TSPAN5: variants seen among roughly 807,000 people sequenced by gnomAD.
TSPAN5 encodes tetraspanin 5.
Under a neutral mutation model 37.1 loss-of-function variants are expected in TSPAN5, and 10 were observed. The observed-to-expected ratio is 0.27, with a 90% CI of 0.17 to 0.46. The LOEUF (loss-of-function observed/expected upper bound fraction) is 0.46, where lower values mean the gene tolerates loss of function less well. TSPAN5 is among the 20% of genes least tolerant of loss of function. The pLI is 1.00. For missense variants in TSPAN5, 195 were observed against 326.6 expected (o/e 0.60, Z 3.11); for synonymous variants, 110 against 118.9 (o/e 0.93, Z 0.48).
intron 1 of TSPAN5, among the ~76,000 whole-genome samples, chr4:98,638,253 C>G (rs1274270512): frequency 6.6e-6 from 1 of 152,216 alleles, no homozygotes; most frequent in Non-Finnish European, 1.5e-5. Context: ...TGTTGCCTCA[C>G]TTAAGGTACA....
intron 1 of TSPAN5, among the ~76,000 whole-genome samples, chr4:98,567,800 G>A (rs767310436): frequency 1.3e-4 from 20 of 152,214 alleles, no homozygotes; most frequent in Middle Eastern, 3.2e-3. Context: ...AGTTGTTGGC[G>A]GTGGTGGCGG....
At chr4:98,521,239 A>G (rs1266786248) in intron 1 of TSPAN5, among the ~76,000 whole-genome samples, 3 of 152,198 alleles carry the variant, frequency 2.0e-5, no homozygotes, top group South Asian at 2.1e-4. Flanking sequence ...AGGCACTGAC[A>G]TTACAAGTGA....
At chr4:98,588,686 A>G (rs1004158722) in intron 1 of TSPAN5, among the ~76,000 whole-genome samples, 42 of 152,248 alleles carry the variant, frequency 2.8e-4, no homozygotes, top group Admixed American at 2.7e-3. Flanking sequence ...ACGATGTTCA[A>G]AGAGATAAGC....
chr4:98,585,589 C>A (rs897579235), intron 1 of TSPAN5, among the ~76,000 whole-genome samples: 2 of 152,204 alleles, frequency 1.3e-5, no homozygotes, highest in African/African-American at 4.8e-5. Flanking sequence ...AGATTAAAGG[C>A]GTGAGCCACT....
At chr4:98,624,350 A>G (rs1756544920) in intron 1 of TSPAN5, among the ~76,000 whole-genome samples, 1 of 152,140 alleles carries the variant, frequency 6.6e-6, no homozygotes, top group Non-Finnish European at 1.5e-5. Flanking sequence ...CTTTTAGAAC[A>G]TTATTGCCAA....
chr4:98,611,916 A>G (rs1011441461), intron 1 of TSPAN5, among the ~76,000 whole-genome samples: 3 of 152,186 alleles, frequency 2.0e-5, no homozygotes, highest in Non-Finnish European at 2.9e-5. Context: ...ATTTCAGTGG[A>G]TTCCACCCTC....
At chr4:98,620,636 A>G (rs1421674403) in intron 1 of TSPAN5, among the ~76,000 whole-genome samples, 1 of 152,214 alleles carries the variant, frequency 6.6e-6, no homozygotes, top group Non-Finnish European at 1.5e-5. Flanking sequence ...TGAAAGTAGC[A>G]TTAGGGCTGC....
intron 2 of TSPAN5, among the ~76,000 whole-genome samples, chr4:98,495,336 T>G (rs1333834782): frequency 6.6e-6 from 1 of 152,128 alleles, no homozygotes; most frequent in Non-Finnish European, 1.5e-5. Context: ...GAGACCATCC[T>G]GGCTAACGTG....
In TSPAN5 at chr4:98,581,123, C is replaced by A. The variant is rs375054877; in HGVS notation, c.82-73395G>T. The stretch of plus-strand genomic sequence containing the variant: ...ATGCACTGATATAAAAACTAGTACT[C>A]ATTTGGGGGAATCCCTCCTTATTTG... On this transcript the variant is annotated intron_variant, in intron 1 of 7. Transcript: ENST00000305798. 2.0e-4 allele frequency among the ~76,000 whole-genome samples: 31 copies of A among 152,304 alleles called. 1 individual carries two copies. The South Asian group carries it at 6.0e-3, about 30-fold the overall frequency.
At chr4:98,571,050 A>G (rs1322399044) in intron 1 of TSPAN5, among the ~76,000 whole-genome samples, 1 of 152,062 alleles carries the variant, frequency 6.6e-6, no homozygotes, top group African/African-American at 2.4e-5. Context: ...AGTTACTGTA[A>G]CTCACTCAGA....
intron 1 of TSPAN5, among the ~76,000 whole-genome samples, chr4:98,645,734 C>T (rs1757052124): frequency 6.6e-6 from 1 of 152,100 alleles, no homozygotes; most frequent in South Asian, 2.1e-4. Context: ...TTCGTGTTTA[C>T]GCAACAGGGA....
rs552510570 is a variant in TSPAN5, at chr4:98,623,573, T to A, written c.81+34573A>T. On this transcript the variant is annotated intron_variant, in intron 1 of 7. Coordinates refer to ENST00000305798, the MANE Select transcript of TSPAN5 (RefSeq NM_005723.4). ...TCTCTTTACATATCAATCACGAGTGTAGCTAATCCTTTCAAGTCTACAATG... is the reference window on the plus strand; with the variant it reads ...TCTCTTTACATATCAATCACGAGTGAAGCTAATCCTTTCAAGTCTACAATG... Among the ~76,000 whole-genome samples, 11 of 152,300 alleles carry A rather than the reference T, an allele frequency of 7.2e-5. No individual in the cohort carries two copies. In the South Asian group the frequency reaches 2.3e-3, roughly 32 times the overall value.
intron 1 of TSPAN5, among the ~76,000 whole-genome samples, chr4:98,532,890 T>C (rs1754129415): frequency 6.6e-6 from 1 of 152,332 alleles, no homozygotes; most frequent in East Asian, 1.9e-4. Flanking sequence ...ATTGAGTTTT[T>C]AGCATGAAGG....
chr4:98,496,319 A>C (rs767522493), intron 2 of TSPAN5: 1 of 152,274 alleles, frequency 6.6e-6, no homozygotes, highest in African/African-American at 2.4e-5. Flanking sequence ...TGCAGAGGCC[A>C]GAGTGACGAC....
intron 1 of TSPAN5, among the ~76,000 whole-genome samples, chr4:98,587,700 C>G (rs1420139772): frequency 6.6e-6 from 1 of 151,994 alleles, no homozygotes; most frequent in African/African-American, 2.4e-5. Flanking sequence ...CCATCCTGAC[C>G]AATATGGTGA....
intron 1 of TSPAN5, among the ~76,000 whole-genome samples, chr4:98,605,251 A>G (rs1190293476): frequency 6.6e-6 from 1 of 152,236 alleles, no homozygotes; most frequent in Admixed American, 6.5e-5. Flanking sequence ...TATAAACTTG[A>G]AGCAGTAACT....
intron 1 of TSPAN5, among the ~76,000 whole-genome samples, chr4:98,539,614 G>C (rs1276644536): frequency 1.3e-5 from 2 of 152,010 alleles, no homozygotes; most frequent in Admixed American, 6.6e-5. Context: ...AATACTCTAG[G>C]GGGAAGAAAA....
chr4:98,531,995 C>T (rs1242091196), intron 1 of TSPAN5, among the ~76,000 whole-genome samples: 1 of 152,128 alleles, frequency 6.6e-6, no homozygotes, highest in Non-Finnish European at 1.5e-5. Flanking sequence ...AAATTTTCTC[C>T]CACCTTGTAG....
chr4:98,508,522 CTTTT>C (rs34342433), intron 1 of TSPAN5, among the ~76,000 whole-genome samples: 4 of 121,924 alleles, frequency 3.3e-5, no homozygotes, highest in Admixed American at 8.5e-5. Context: ...TACTGTTTTT[CTTTT>C]TTTTTTTTTT....
Sources: gnomAD v4.1 joint callset for allele counts (sites outside exome capture counted in the v4.1 genomes callset) on GRCh38, gnomAD v4.1.1 for gene constraint, MANE v1.5 for transcripts, NCBI Gene and HGNC (gene_info 2026-07-23, HGNC 2026-07-21) for gene names.